Variants in GSPT1 observed in about 807,000 individuals in gnomAD.
GSPT1 encodes the protein eukaryotic peptide chain release factor GTP-binding subunit ERF3A.
GSPT1 carries 20 observed loss-of-function variants against 72.5 expected under a neutral mutation model. The ratio of observed to expected loss-of-function variants is 0.28; its 90% confidence interval spans 0.19 to 0.40. The LOEUF is 0.40. Among genes scored for constraint, GSPT1 ranks in the 10% least tolerant of loss-of-function variants. The pLI is 1.00. For synonymous variants in GSPT1, 334 were observed against 293.5 expected (o/e 1.14, Z -1.41); for missense variants, 580 against 811.9 (o/e 0.71, Z 3.47).
At chr16:11,887,868 G>C (rs1276424530) in intron 6 of GSPT1, 118 bp from the exon 7 acceptor site, 4 of 758,154 alleles carry the variant, frequency 5.3e-6, no homozygotes, top group East Asian at 5.2e-5. Context: ...AACAAGATTG[G>C]TGAAATGAAA....
intron 11 of GSPT1, chr16:11,880,270 T>G (rs1238314446): frequency 6.6e-6 from 1 of 152,256 alleles, no homozygotes; most frequent in Non-Finnish European, 1.5e-5. Flanking sequence ...ACCTTCTGGC[T>G]ACTGTGAATA....
intron 1 of GSPT1, chr16:11,904,045 C>T (rs575871621): frequency 1.8e-5 from 4 of 225,548 alleles, no homozygotes; most frequent in African/African-American, 9.2e-5. Flanking sequence ...GCTGCAACCC[C>T]CAGGGACACC....
intron 6 of GSPT1, among the ~76,000 whole-genome samples, chr16:11,888,718 C>T (rs1292809932): frequency 2.0e-5 from 3 of 151,554 alleles, no homozygotes; most frequent in Admixed American, 6.6e-5. Flanking sequence ...GCTGAGATCG[C>T]GCCACTGCAC....
chr16:11,894,811 G>C (rs946018472), intron 5 of GSPT1, 143 bp downstream of exon 5: 6 of 582,672 alleles, frequency 1.0e-5, no homozygotes, highest in Admixed American at 2.7e-5. Flanking sequence ...CTTAACATCA[G>C]TATTGTGTCC....
At chr16:11,873,244 T>C in intron 14 of GSPT1, 73 bp from the exon 15 acceptor site, 2 of 717,388 alleles carry the variant, frequency 2.8e-6, no homozygotes, top group Non-Finnish European at 4.8e-6. Context: ...AACTTATTAT[T>C]TTAAATCACA....
At chr16:11,916,035 C>T (rs1400978868), upstream of GSPT1, 1 of 639,500 alleles carries the variant, frequency 1.6e-6, no homozygotes, top group African/African-American at 1.8e-5. Context: ...CTCGCCGCCA[C>T]CCGTACCTTC....
chr16:11,914,959 C>G (rs1427928781), intron 1 of GSPT1: 33 of 1,234,764 alleles, frequency 2.7e-5, no homozygotes, highest in Non-Finnish European at 3.3e-5. Context: ...CATTCGTCCT[C>G]CCCAACTCCT....
In GSPT1 at chr16:11,886,935, ATTC is replaced by A. The variant is rs2054191902; in HGVS notation, c.958-7_958-5del. ...CTCCTTTCCTGGCTGAGATTACCTA[ATTC>A]CAAGAAAGGAAACAGTTTACTCCTT... is the stretch of plus-strand genomic sequence containing the variant. On this transcript the variant is annotated splice_region_variant and splice_polypyrimidine_tract_variant and intron_variant, in intron 7 of 14. Transcript: ENST00000434724. 3 of 1,612,520 alleles carry A rather than the reference ATTC, an allele frequency of 1.9e-6. No individual in the cohort carries two copies. Among genetic ancestry groups the A allele is most frequent in the Non-Finnish European group, 2.5e-6 (3 of 1,179,218 alleles).
chr16:11,889,406 C>T (rs969509098), intron 6 of GSPT1, among the ~76,000 whole-genome samples: 9 of 132,090 alleles, frequency 6.8e-5, no homozygotes, highest in African/African-American at 5.8e-5. Flanking sequence ...GGCACCATCT[C>T]GGCTCACTGC....
At chr16:11,886,338 AT>A in intron 9 of GSPT1, 132 bp downstream of exon 9, 1 of 591,002 alleles carries the variant, frequency 1.7e-6, no homozygotes, top group South Asian at 3.1e-5. Context: ...TACATTTAAT[AT>A]TTTCTTAAAT....
chr16:11,904,376 G>A (rs896700536), intron 1 of GSPT1, among the ~76,000 whole-genome samples: 1 of 152,038 alleles, frequency 6.6e-6, no homozygotes, highest in East Asian at 1.9e-4. Flanking sequence ...GTAATTTTTT[G>A]TATTTTTAGT....
In GSPT1 at chr16:11,895,846, T is replaced by C. The variant is rs573753003; in HGVS notation, c.664+712A>G. On this transcript the variant is annotated intron_variant, in intron 4 of 14. Coordinates refer to ENST00000434724, the MANE Select transcript of GSPT1 (RefSeq NM_002094.4). ...TTCACCATGTTGGCCAGGCTGGTCT[T>C]GAACTCCTGACCTCGTGATGTGCCC... is the stretch of plus-strand genomic sequence containing the variant. Among the ~76,000 whole-genome samples the C allele has an allele frequency of 2.5e-4, 38 of 152,300 alleles. No homozygotes were observed. In the East Asian group the frequency reaches 5.6e-3, roughly 22 times the overall value.
rs1446310346 is a variant in GSPT1 at position 11,870,223 on chromosome 16, T to C, written c.*2896A>G. On this transcript the variant is annotated 3_prime_UTR_variant, in exon 15 of 15. Transcript: ENST00000434724. ...CCAACTCTTTTGGTTTGATTTTACA[T>C]AGATTTTCACTTACTTCTGCAAATT... 6.6e-6 allele frequency: 1 copy of C among 152,230 alleles called. No individual in the cohort carries two copies. The highest frequency in any genetic ancestry group is 1.5e-5 in the Non-Finnish European group (1 of 68,040). 9.4% of individuals were successfully genotyped at this position (152,230 alleles called of 1,614,324 possible). A position where few individuals can be genotyped will look rare whatever the true frequency, so the allele number is the denominator to read the frequency against.
At chr16:11,879,106 TA>T (rs34049247) in intron 11 of GSPT1, among the ~76,000 whole-genome samples, 3 of 149,052 alleles carry the variant, frequency 2.0e-5, no homozygotes, top group Admixed American at 6.7e-5. Flanking sequence ...ATAATAATAA[TA>T]AAAAAAAGGC....
At chr16:11,879,810 A>G (rs1167004131) in intron 11 of GSPT1, among the ~76,000 whole-genome samples, 5 of 152,210 alleles carry the variant, frequency 3.3e-5, no homozygotes, top group Non-Finnish European at 5.9e-5. Flanking sequence ...TAAAATATCA[A>G]AGTAAAAAAT....
chr16:11,900,433 G>A (rs549966382), intron 1 of GSPT1, among the ~76,000 whole-genome samples: 1 of 152,020 alleles, frequency 6.6e-6, no homozygotes, highest in Non-Finnish European at 1.5e-5. Context: ...TATTGTGTAG[G>A]GAGTGGGGGA....
At chr16:11,879,674 G>A (rs2054095738) in intron 11 of GSPT1, among the ~76,000 whole-genome samples, 1 of 150,482 alleles carries the variant, frequency 6.6e-6, no homozygotes, top group African/African-American at 2.4e-5. Flanking sequence ...GGGAGGTGGA[G>A]GTCGCAGTGA....
At chr16:11,906,137 A>T (rs1158473484) in intron 1 of GSPT1, among the ~76,000 whole-genome samples, 1 of 151,786 alleles carries the variant, frequency 6.6e-6, no homozygotes, top group Non-Finnish European at 1.5e-5. Flanking sequence ...GCTGGAGTGC[A>T]GTGGCACAAT....
At chr16:11,894,726 G>C (rs1445841671) in intron 5 of GSPT1, among the ~76,000 whole-genome samples, 1 of 152,198 alleles carries the variant, frequency 6.6e-6, no homozygotes, top group Non-Finnish European at 1.5e-5. Flanking sequence ...CTCAAGTCCA[G>C]TGATCCTCCC....
Sources: gnomAD v4.1 joint callset for allele counts (sites outside exome capture counted in the v4.1 genomes callset) on GRCh38, gnomAD v4.1.1 for gene constraint, MANE v1.5 for transcripts, NCBI Gene and HGNC (gene_info 2026-07-23, HGNC 2026-07-21) for gene names.